NAA60: variants seen among roughly 807,000 people sequenced by gnomAD.
NAA60 encodes the protein N-alpha-acetyltransferase 60.
Under a neutral mutation model 26.1 loss-of-function variants are expected in NAA60, and 8 were observed. The observed-to-expected ratio is 0.31, with a 90% CI of 0.18 to 0.55. The LOEUF is 0.55. Ranked by LOEUF, NAA60 falls within the 20% of genes least tolerant of loss-of-function variation. The pLI, the probability that NAA60 is intolerant of heterozygous loss-of-function variation, is 0.93. For synonymous variants in NAA60, 131 were observed against 122.5 expected (o/e 1.07, Z -0.46); for missense variants, 290 against 311.3 (o/e 0.93, Z 0.51).
At chr16:3,474,642 T>G (rs1252347820) in intron 2 of NAA60, among the ~76,000 whole-genome samples, 1 of 152,238 alleles carries the variant, frequency 6.6e-6, no homozygotes, top group African/African-American at 2.4e-5. Flanking sequence ...GACTGCCAGA[T>G]AAAAGACGAG....
Position 3,447,732 on chromosome 16 carries a change from G to C in NAA60, c.-76-739G>C. On this transcript the variant is annotated intron_variant, in intron 1 of 7. Coordinates refer to ENST00000407558, the MANE Select transcript of NAA60 (RefSeq NM_001083601.3). ...TGCTACCTAGTCTCCAGTCTTATAA[G>C]GGGACAATGGCTGCAAGTCATGCCT... is the stretch of plus-strand genomic sequence containing the variant. The C allele has an allele frequency of 4.6e-6, 3 of 646,356 alleles. No individual in the cohort carries two copies. In the South Asian group the frequency reaches 2.1e-4, roughly 45 times the overall value. 40.0% of individuals were successfully genotyped at this position (646,356 alleles called of 1,614,324 possible).
In NAA60 at chr16:3,484,770, G is replaced by T; in HGVS notation, c.644G>T (p.Arg215Leu). The part of the protein sequence containing the change: ...SPCSIPHRVY[R>L]QAHSLLCSFL... ...TGCTCCATTCCGCACAGAGTCTACC[G>T]CCAGGCCCACAGCCTGCTCTGCAGC... The change falls in exon 7 of 8, where the codon CGC becomes CTC. Residue 215 changes from arginine to leucine, a missense_variant. Arg to Leu is a moderately radical substitution (Grantham distance 102). Transcript: ENST00000407558. The T allele has an allele frequency of 6.3e-7, 1 of 1,590,690 alleles. No homozygotes were observed. The highest frequency in any genetic ancestry group is 8.5e-7 in the Non-Finnish European group (1 of 1,169,618).
At chr16:3,465,974 A>G (rs1389451746) in intron 2 of NAA60, among the ~76,000 whole-genome samples, 3 of 152,254 alleles carry the variant, frequency 2.0e-5, no homozygotes, top group Non-Finnish European at 4.4e-5. Context: ...AGATTGAGTC[A>G]GGACCCGGGA....
chr16:3,450,475 C>T (rs972257905), intron 2 of NAA60, among the ~76,000 whole-genome samples: 29 of 151,840 alleles, frequency 1.9e-4, no homozygotes, highest in Non-Finnish European at 3.1e-4. Flanking sequence ...CTGAGGCAGG[C>T]GGATCACAAG....
chr16:3,483,374 C>T lies in NAA60; in HGVS notation c.349C>T (p.Leu117Phe), dbSNP rs777625532. ...FRKHGIGSLL[L>F]ESLKDHISTT... Reference sequence around the variant, plus strand: ...CTCTTCTCCCCAAGGTTCCCTCTTACTTGAAAGTTTAAAGGATCACATATC... The same window carrying T: ...CTCTTCTCCCCAAGGTTCCCTCTTATTTGAAAGTTTAAAGGATCACATATC... The change falls in exon 6 of 8, where the codon CTT becomes TTT. Residue 117 changes from leucine to phenylalanine, a missense_variant. Leu to Phe is a conservative substitution (Grantham distance 22). Coordinates refer to ENST00000407558, the MANE Select transcript of NAA60 (RefSeq NM_001083601.3). 6.2e-7 allele frequency: 1 copy of T among 1,610,334 alleles called. No homozygotes were observed. The highest frequency in any genetic ancestry group is 2.2e-5 in the East Asian group (1 of 44,806).
At chr16:3,444,463 G>A (rs920779099) in intron 1 of NAA60, among the ~76,000 whole-genome samples, 6 of 152,108 alleles carry the variant, frequency 3.9e-5, no homozygotes, top group African/African-American at 1.4e-4. Flanking sequence ...AAAAAAAGAC[G>A]AAAATGATAG....
At chr16:3,466,284 G>A (rs1369472962) in intron 2 of NAA60, among the ~76,000 whole-genome samples, 1 of 152,182 alleles carries the variant, frequency 6.6e-6, no homozygotes, top group Non-Finnish European at 1.5e-5. Context: ...GGCACATGAT[G>A]GTCTTCAGAG....
In NAA60 at chr16:3,481,413, TC is replaced by T. The variant is rs547276031; in HGVS notation, c.241-1082del. On this transcript the variant is annotated intron_variant, in intron 4 of 7. Transcript: ENST00000407558. ...TCTCTCTTGTTAATGGGACACGTGG[TC>T]CCCCCCTTCCCCCAATGACTCATTC... Among the ~76,000 whole-genome samples the T allele has an allele frequency of 1.1e-3, 174 of 152,068 alleles. 1 individual carries two copies. Among genetic ancestry groups the T allele is most frequent in the African/African-American group, 3.8e-3 (159 of 41,476 alleles).
intron 2 of NAA60, chr16:3,458,215 AC>A: frequency 1.1e-6 from 1 of 931,614 alleles, no homozygotes; most frequent in Non-Finnish European, 1.3e-6. Flanking sequence ...CGGGGCTCGG[AC>A]CTGCGGCGGG....
chr16:3,450,265 A>G lies in NAA60; in HGVS notation c.-7+1725A>G, dbSNP rs542367655. 25 of 303,772 alleles carry G rather than the reference A, an allele frequency of 8.2e-5. 1 individual carries two copies. The highest frequency in any genetic ancestry group is 4.9e-4 in the African/African-American group (23 of 46,508). The allele number at this position is 303,772 out of a possible 1,614,324, so 18.8% of individuals were successfully genotyped here. On this transcript the variant is annotated intron_variant, in intron 2 of 7. Transcript: ENST00000407558. The stretch of plus-strand genomic sequence containing the variant: ...TCTGGAGGCCTCTCAGGCAGAGCAG[A>G]GGCTGGTCAGCAAGCCACAGGGCTT...
At chr16:3,471,071 T>C (rs9922570) in intron 2 of NAA60, among the ~76,000 whole-genome samples, 11,930 of 152,262 alleles carry the variant, frequency 0.078, 623 homozygotes, top group South Asian at 0.17. Context: ...GCCCAGTGTT[T>C]TTCTTGAAAT....
In NAA60 at chr16:3,485,610, C is replaced by G. The variant is rs977776226; in HGVS notation, c.*350C>G. On this transcript the variant is annotated 3_prime_UTR_variant, in exon 8 of 8. Transcript: ENST00000407558. ...TGCCCTCACTGGGCCTCTCCCACTC[C>G]GCTGCCTGTTCTTGCAGCTCCTTCC... 2 of 456,302 alleles carry G rather than the reference C, an allele frequency of 4.4e-6. No homozygotes were observed. Among genetic ancestry groups the G allele is most frequent in the African/African-American group, 4.0e-5 (2 of 50,090 alleles). The allele number at this position is 456,302 out of a possible 1,614,324, so 28.3% of individuals were successfully genotyped here.
chr16:3,466,627 G>A (rs985006171), intron 2 of NAA60, among the ~76,000 whole-genome samples: 1 of 152,240 alleles, frequency 6.6e-6, no homozygotes, highest in Non-Finnish European at 1.5e-5. Flanking sequence ...CCTTGCAGCT[G>A]CAAGTGGTGT....
In NAA60 at chr16:3,483,274, G is replaced by A. The variant is rs143663632; in HGVS notation, c.338-89G>A. On this transcript the variant is annotated intron_variant, in intron 5 of 7. Coordinates refer to ENST00000407558, the MANE Select transcript of NAA60 (RefSeq NM_001083601.3). ...TGATACGGTGGGCCGAGACATCTCC[G>A]AGAGACTCATGCAAAGCCCCCATCC... 3.6e-4 allele frequency: 345 copies of A among 952,358 alleles called. 2 individuals are homozygous for A. In the African/African-American group the frequency reaches 4.0e-3, roughly 11 times the overall value. The allele number at this position is 952,358 out of a possible 1,614,324, so 59.0% of individuals were successfully genotyped here.
chr16:3,482,576 A>G lies in NAA60; in HGVS notation c.315A>G (p.Lys105=), dbSNP rs2036906462. 2.5e-6 allele frequency: 4 copies of G among 1,607,602 alleles called. No individual in the cohort carries two copies. Among genetic ancestry groups the G allele is most frequent in the Non-Finnish European group, 3.4e-6 (4 of 1,177,096 alleles). The change falls in exon 5 of 8, where the codon AAA becomes AAG. Residue 105 remains lysine, a synonymous_variant. Coordinates refer to ENST00000407558, the MANE Select transcript of NAA60 (RefSeq NM_001083601.3). ...ACATCCTAAGTCTGGGCGTCGTGAA[A>G]GAGTTCAGGAAGCACGGCATAGGTA... is the stretch of plus-strand genomic sequence containing the variant. ...VAYILSLGVV[K]EFRKHGIGSL...
chr16:3,482,077 CTTT>C (rs1174382166), intron 4 of NAA60, among the ~76,000 whole-genome samples: 1 of 152,136 alleles, frequency 6.6e-6, no homozygotes, highest in South Asian at 2.1e-4. Context: ...GCGTGCGATT[CTTT>C]AACTGAACCT....
intron 2 of NAA60, chr16:3,458,055 C>A (rs984362550): frequency 1.0e-6 from 1 of 985,268 alleles, no homozygotes; most frequent in Non-Finnish European, 1.2e-6. Flanking sequence ...GCCTCCGTCC[C>A]GGCTGCGGCC....
intron 2 of NAA60, among the ~76,000 whole-genome samples, chr16:3,460,622 C>T (rs2035326783): frequency 6.6e-6 from 1 of 152,218 alleles, no homozygotes; most frequent in Admixed American, 6.5e-5. Flanking sequence ...GCCTCAGCCT[C>T]CCAAAGTTCT....
chr16:3,444,284 C>G (rs754354446), intron 1 of NAA60, among the ~76,000 whole-genome samples: 1 of 152,050 alleles, frequency 6.6e-6, no homozygotes, highest in Non-Finnish European at 1.5e-5. Flanking sequence ...TGAGCTCCTC[C>G]CCAAGCTCTG....
Sources: allele counts gnomAD v4.1 joint callset (sites outside exome capture counted in the v4.1 genomes callset), GRCh38; gene constraint gnomAD v4.1.1; transcripts MANE v1.5; gene names NCBI Gene and HGNC (gene_info 2026-07-23, HGNC 2026-07-21).